LHFPL3: variants seen among roughly 807,000 people sequenced by gnomAD.
The protein encoded by LHFPL3 is LHFPL tetraspan subfamily member 3 protein.
In LHFPL3, 5 loss-of-function variants were observed where a neutral mutation model predicts 19.3. The ratio of observed to expected loss-of-function variants is 0.26; its 90% CI spans 0.14 to 0.54. LHFPL3 has a LOEUF of 0.54. LHFPL3 is among the 20% of genes least tolerant of loss of function. LHFPL3 has a pLI of 0.94. For synonymous variants in LHFPL3, 133 were observed against 126.2 expected (o/e 1.05, Z -0.36); for missense variants, 249 against 307.4 (o/e 0.81, Z 1.42).
At chr7:104,885,414 T>C (rs1003565190) in intron 2 of LHFPL3, among the ~76,000 whole-genome samples, 1 of 152,236 alleles carries the variant, frequency 6.6e-6, no homozygotes. Context: ...CTATTGTGGC[T>C]ATCTGATTTT....
At chr7:104,348,562 T>G (rs1231585084) in intron 1 of LHFPL3, among the ~76,000 whole-genome samples, 2 of 152,254 alleles carry the variant, frequency 1.3e-5, no homozygotes, top group Non-Finnish European at 2.9e-5. Flanking sequence ...AAATCACATA[T>G]GTAGGTCCTA....
At chr7:104,627,079 T>G (rs1791558979) in intron 1 of LHFPL3, among the ~76,000 whole-genome samples, 1 of 152,156 alleles carries the variant, frequency 6.6e-6, no homozygotes, top group Non-Finnish European at 1.5e-5. Context: ...CTCTTGACCT[T>G]ATTCCTCCTA....
intron 1 of LHFPL3, among the ~76,000 whole-genome samples, chr7:104,347,959 A>C (rs1472439026): frequency 6.6e-6 from 1 of 152,178 alleles, no homozygotes; most frequent in Non-Finnish European, 1.5e-5. Flanking sequence ...CACAATCCAA[A>C]GCTTTCTATT....
intron 1 of LHFPL3, among the ~76,000 whole-genome samples, chr7:104,590,999 G>A (rs919058454): frequency 1.3e-5 from 2 of 152,010 alleles, no homozygotes; most frequent in South Asian, 2.1e-4. Flanking sequence ...ATTTGAGCTT[G>A]TGTGTGTCTC....
At chr7:104,660,057 A>C (rs1025045794) in intron 1 of LHFPL3, among the ~76,000 whole-genome samples, 1 of 148,572 alleles carries the variant, frequency 6.7e-6, no homozygotes, top group Non-Finnish European at 1.5e-5. Context: ...GCTGGAGTAT[A>C]GTGGTGTGAT....
At chr7:104,821,106 C>T (rs996861290) in intron 2 of LHFPL3, among the ~76,000 whole-genome samples, 17 of 152,128 alleles carry the variant, frequency 1.1e-4, no homozygotes, top group Non-Finnish European at 2.9e-5. Context: ...ATCTTTATTG[C>T]ATGCTTTCTG....
rs868574487 is a variant in LHFPL3, at chr7:104,328,768, A to T, written c.-12A>T. ...GACCAGGAGGAGGAGGAGGAGGAGGAGGAGGGGGAGAATGCCCGGAGCCGC... is the reference window on the plus strand; with the variant it reads ...GACCAGGAGGAGGAGGAGGAGGAGGTGGAGGGGGAGAATGCCCGGAGCCGC... On this transcript the variant is annotated 5_prime_UTR_variant, in exon 1 of 3. Coordinates refer to ENST00000424859, the MANE Select transcript of LHFPL3 (RefSeq NM_199000.3). This position sits in a 1 kb window ranked among gnomAD's most constrained non-coding sequence, Gnocchi z 4.6. 6.7e-6 allele frequency: 10 copies of T among 1,503,220 alleles called. No individual in the cohort carries two copies. The South Asian group carries it at 9.4e-5, about 14-fold the overall frequency. 93.1% of individuals were successfully genotyped at this position (1,503,220 alleles called of 1,614,324 possible).
rs1791254960 is a variant in LHFPL3 at position 104,399,010 on chromosome 7, AAC to A, written c.445+69788_445+69789del. Among the ~76,000 whole-genome samples the A allele has an allele frequency of 6.6e-6, 1 of 152,150 alleles. No homozygotes were observed. The highest frequency in any genetic ancestry group is 2.1e-4 in the South Asian group (1 of 4,818). On this transcript the variant is annotated intron_variant, in intron 1 of 2. Coordinates refer to ENST00000424859, the MANE Select transcript of LHFPL3 (RefSeq NM_199000.3). The surrounding 1 kb of genome is among the most constrained non-coding windows in gnomAD (Gnocchi z 4.4). ...TGTTGATATCCCTAGTGCTATGCTT[AAC>A]AGTTGTCAGTTCCCTTTCTAAGGAC...
chr7:104,470,048 C>G (rs1227503221), intron 1 of LHFPL3: 2 of 455,968 alleles, frequency 4.4e-6, no homozygotes, highest in Non-Finnish European at 8.8e-6. Flanking sequence ...TGTTTACTGC[C>G]TTGTGCTTCA....
At chr7:104,619,838 A>G (rs1584443718) in intron 1 of LHFPL3, among the ~76,000 whole-genome samples, 1 of 152,096 alleles carries the variant, frequency 6.6e-6, no homozygotes, top group African/African-American at 2.4e-5. Context: ...ATTTAAGACA[A>G]TTATTCCACA....
chr7:104,504,037 G>C (rs900842104), intron 1 of LHFPL3, among the ~76,000 whole-genome samples: 1 of 152,178 alleles, frequency 6.6e-6, no homozygotes, highest in Non-Finnish European at 1.5e-5. Context: ...GAAGATAGTA[G>C]TCAAGTCACC....
At chr7:104,589,349 T>C (rs1259749790) in intron 1 of LHFPL3, among the ~76,000 whole-genome samples, 1 of 152,244 alleles carries the variant, frequency 6.6e-6, no homozygotes, top group Non-Finnish European at 1.5e-5. Context: ...CAAAGGACTT[T>C]TCTGCATCTA....
At chr7:104,405,001 G>A (rs10487206) in intron 1 of LHFPL3, among the ~76,000 whole-genome samples, 5,596 of 152,210 alleles carry the variant, frequency 0.037, 291 homozygotes, top group East Asian at 0.16. Flanking sequence ...GATAAGGTCC[G>A]TAAAACCAAT....
intron 1 of LHFPL3, among the ~76,000 whole-genome samples, chr7:104,717,008 A>G (rs1793399842): frequency 6.6e-6 from 1 of 152,222 alleles, no homozygotes; most frequent in African/African-American, 2.4e-5. Flanking sequence ...GAGATCCCAG[A>G]AATAATTCCA....
chr7:104,782,856 A>G (rs765768618), intron 2 of LHFPL3, among the ~76,000 whole-genome samples: 2 of 152,220 alleles, frequency 1.3e-5, no homozygotes, highest in Non-Finnish European at 2.9e-5. Flanking sequence ...CTTATCTCCA[A>G]GCCTTTGTAC....
intron 1 of LHFPL3, among the ~76,000 whole-genome samples, chr7:104,655,107 T>C (rs541781797): frequency 3.3e-5 from 5 of 152,352 alleles, no homozygotes; most frequent in Admixed American, 2.6e-4. Flanking sequence ...TATCTGCTAT[T>C]AGCTCTGTAC....
intron 2 of LHFPL3, among the ~76,000 whole-genome samples, chr7:104,763,097 C>T (rs549002116): frequency 2.6e-5 from 4 of 152,330 alleles, no homozygotes; most frequent in South Asian, 4.1e-4. Context: ...ATAGTCTAAC[C>T]TCTTTGATAA....
chr7:104,792,051 G>T (rs570896227), intron 2 of LHFPL3, among the ~76,000 whole-genome samples: 32 of 152,254 alleles, frequency 2.1e-4, no homozygotes, highest in African/African-American at 7.7e-4. Flanking sequence ...TTCAATACTG[G>T]TGATGAAAGA....
chr7:104,441,111 AG>A (rs1792216510), intron 1 of LHFPL3, among the ~76,000 whole-genome samples: 1 of 152,164 alleles, frequency 6.6e-6, no homozygotes, highest in Non-Finnish European at 1.5e-5. Context: ...TGTTAAATAT[AG>A]GCACTGTATT....
Sources: gnomAD v4.1 joint callset for allele counts (sites outside exome capture counted in the v4.1 genomes callset) on GRCh38, gnomAD v4.1.1 for gene constraint, Gnocchi (gnomAD v3.1) non-coding constraint, MANE v1.5 for transcripts, NCBI Gene and HGNC (gene_info 2026-07-23, HGNC 2026-07-21) for gene names.